The following NRG1 variants were observed in gnomAD, a reference collection of about 807,000 sequenced individuals.
NRG1 encodes neuregulin 1.
Under a neutral mutation model 63.8 loss-of-function variants are expected in NRG1, and 18 were observed. The ratio of observed to expected loss-of-function variants is 0.28; its 90% confidence interval spans 0.19 to 0.42. The LOEUF (loss-of-function observed/expected upper bound fraction) is 0.42. Ranked by LOEUF, NRG1 falls within the 10% of genes least tolerant of loss-of-function variation. NRG1 has a pLI of 1.00. For synonymous variants in NRG1, 302 were observed against 301.3 expected (o/e 1.00, Z -0.02); for missense variants, 762 against 814.7 (o/e 0.94, Z 0.79).
chr8:32,163,140 G>A (rs1288959091), intron 1 of NRG1, among the ~76,000 whole-genome samples: 3 of 152,188 alleles, frequency 2.0e-5, no homozygotes, highest in African/African-American at 7.2e-5. Context: ...ACAAGAGCGA[G>A]ACAGGAAGGG....
At chr8:32,349,667 TG>T (rs1195804005) in intron 1 of NRG1, among the ~76,000 whole-genome samples, 3 of 152,176 alleles carry the variant, frequency 2.0e-5, no homozygotes, top group African/African-American at 7.2e-5. Flanking sequence ...AATTGCTTTT[TG>T]TATGTGAAAC....
chr8:32,107,951 C>T (rs1426795171), intron 1 of NRG1, among the ~76,000 whole-genome samples: 1 of 152,188 alleles, frequency 6.6e-6, no homozygotes, highest in African/African-American at 2.4e-5. Flanking sequence ...TGTCTGTTTA[C>T]ACTGTGAGTT....
At chr8:32,647,006 A>G in intron 5 of NRG1, 1 of 983,394 alleles carries the variant, frequency 1.0e-6, no homozygotes, top group Non-Finnish European at 1.2e-6. Context: ...AAAGTGAATG[A>G]GCACTCAAGA....
chr8:32,707,075 G>A (rs1352251892), intron 5 of NRG1, among the ~76,000 whole-genome samples: 1 of 151,840 alleles, frequency 6.6e-6, no homozygotes. Context: ...AGAAAACAAT[G>A]CCTTTTAAAG....
chr8:31,903,403 C>A (rs1019762855), intron 1 of NRG1, among the ~76,000 whole-genome samples: 4 of 151,712 alleles, frequency 2.6e-5, no homozygotes, highest in African/African-American at 9.7e-5. Context: ...CCTGCCTCGG[C>A]CTCCCAAAGT....
intron 1 of NRG1, among the ~76,000 whole-genome samples, chr8:32,211,014 C>T (rs898493761): frequency 1.3e-5 from 2 of 152,166 alleles, no homozygotes; most frequent in African/African-American, 4.8e-5. Flanking sequence ...CTTTATAAAA[C>T]ATGAAAGCAA....
chr8:32,633,899 T>C (rs966947922), intron 5 of NRG1, among the ~76,000 whole-genome samples: 4 of 151,866 alleles, frequency 2.6e-5, no homozygotes, highest in Non-Finnish European at 5.9e-5. Context: ...CCCAGTACTT[T>C]GGGAGGCTGA....
chr8:31,649,792 T>C (rs927927262), intron 1 of NRG1, among the ~76,000 whole-genome samples: 11 of 152,196 alleles, frequency 7.2e-5, no homozygotes, highest in Non-Finnish European at 1.2e-4. Flanking sequence ...TTTTTATTCA[T>C]ATTGCTATCA....
chr8:32,330,145 T>G (rs1373146905), intron 1 of NRG1, among the ~76,000 whole-genome samples: 1 of 148,680 alleles, frequency 6.7e-6, no homozygotes, highest in African/African-American at 2.4e-5. Context: ...GTGATCCTCC[T>G]GCCTTACCTG....
At chr8:32,289,023 T>A (rs997586163) in intron 1 of NRG1, among the ~76,000 whole-genome samples, 1 of 152,208 alleles carries the variant, frequency 6.6e-6, no homozygotes, top group Non-Finnish European at 1.5e-5. Context: ...CATGGTTCCT[T>A]TGGAAACTCC....
intron 5 of NRG1, among the ~76,000 whole-genome samples, chr8:32,643,910 C>T (rs1431692285): frequency 1.3e-5 from 2 of 152,020 alleles, no homozygotes; most frequent in Non-Finnish European, 2.9e-5. Flanking sequence ...ATAGTCTCTC[C>T]TTGAAGTGGT....
intron 1 of NRG1, among the ~76,000 whole-genome samples, chr8:32,323,816 T>C (rs1801691836): frequency 6.6e-6 from 1 of 152,174 alleles, no homozygotes; most frequent in Non-Finnish European, 1.5e-5. Flanking sequence ...TGGCAGACAA[T>C]AGCTTTTGTA....
intron 1 of NRG1, among the ~76,000 whole-genome samples, chr8:32,099,943 G>A (rs1180216624): frequency 2.0e-5 from 3 of 152,118 alleles, no homozygotes; most frequent in Non-Finnish European, 4.4e-5. Context: ...AACATGGACT[G>A]GAGGGGCTAA....
intron 1 of NRG1, among the ~76,000 whole-genome samples, chr8:32,198,407 A>C (rs193106928): frequency 6.6e-6 from 1 of 152,096 alleles, no homozygotes; most frequent in Admixed American, 6.5e-5. Context: ...CGAACTCCTG[A>C]CCTCAGGTAA....
rs570931119 is a variant in NRG1 at position 32,474,353 on chromosome 8, A to T, written c.38-121475A>T. Among the ~76,000 whole-genome samples the T allele has an allele frequency of 9.2e-5, 14 of 152,270 alleles. No homozygotes were observed. In the South Asian group the frequency reaches 2.9e-3, roughly 32 times the overall value. ...GGAAACTGATTCCATTAGAAGGCAG[A>T]TGGTGATAGTCTCACAGCACACTCT... On this transcript the variant is annotated intron_variant, in intron 1 of 10. Transcript: ENST00000519301.
At chr8:31,997,698 C>T (rs543101003) in intron 1 of NRG1, among the ~76,000 whole-genome samples, 25 of 152,062 alleles carry the variant, frequency 1.6e-4, no homozygotes, top group African/African-American at 5.8e-4. Context: ...TCTCCTTCTA[C>T]TGTGCTTTGC....
At chr8:32,009,914 C>T (rs973224614) in intron 1 of NRG1, among the ~76,000 whole-genome samples, 1 of 149,502 alleles carries the variant, frequency 6.7e-6, no homozygotes, top group African/African-American at 2.4e-5. Context: ...TGCCTACCCT[C>T]CCCACCCCAC....
chr8:31,655,438 G>A (rs1306304681), intron 1 of NRG1, among the ~76,000 whole-genome samples: 1 of 152,174 alleles, frequency 6.6e-6, no homozygotes, highest in South Asian at 2.1e-4. Context: ...ATTTCTGTTA[G>A]GGTAGGGAGG....
chr8:32,670,812 C>T (rs1325194126), intron 5 of NRG1, among the ~76,000 whole-genome samples: 2 of 152,150 alleles, frequency 1.3e-5, no homozygotes, highest in African/African-American at 4.8e-5. Flanking sequence ...CTTAAAATCA[C>T]ACATCCATGG....
Sources: gnomAD v4.1 joint callset for allele counts (sites outside exome capture counted in the v4.1 genomes callset) on GRCh38, gnomAD v4.1.1 for gene constraint, MANE v1.5 for transcripts, NCBI Gene and HGNC (gene_info 2026-07-23, HGNC 2026-07-21) for gene names.